GPI: variants seen among roughly 807,000 people sequenced by gnomAD.
GPI encodes the protein D-hexose-6-phosphate anomerase.
In GPI, 56 loss-of-function variants were observed where a neutral mutation model predicts 75.8. The observed-to-expected ratio is 0.74, with a 90% CI of 0.60 to 0.92. The LOEUF (loss-of-function observed/expected upper bound fraction) is 0.92, where lower values mean the gene tolerates loss of function less well. GPI is among the 40% of genes least tolerant of loss of function. The pLI is 0.00. For synonymous variants in GPI, 288 were observed against 285.4 expected (o/e 1.01, Z -0.09); for missense variants, 638 against 741.0 (o/e 0.86, Z 1.61).
chr19:34,367,585 C>G (rs2074386086), intron 3 of GPI, among the ~76,000 whole-genome samples: 2 of 152,202 alleles, frequency 1.3e-5, no homozygotes, highest in Admixed American at 1.3e-4. Context: ...TCCACCTTAG[C>G]AAGCCTCTCA....
At chr19:34,398,497 C>T (rs972469556) in intron 14 of GPI, 2 of 151,784 alleles carry the variant, frequency 1.3e-5, no homozygotes, top group African/African-American at 4.8e-5. Context: ...TTTTTCGAGA[C>T]ACCGTTTCAC....
intron 12 of GPI, among the ~76,000 whole-genome samples, chr19:34,394,456 G>A (rs2074915593): frequency 6.6e-6 from 1 of 151,900 alleles, no homozygotes; most frequent in South Asian, 2.1e-4. Flanking sequence ...GGGGAGGAAG[G>A]ATCTGGTACA....
In GPI at chr19:34,379,526, A is replaced by G. The variant is rs1344336631; in HGVS notation, c.714A>G (p.Ala238=). ...WFLQAAKDPS[A]VAKHFVALST... ...GGCTCTGTCTCTTGTAGCCTTCTGC[A>G]GTGGCGAAGCACTTTGTTGCCCTGT... The change falls in exon 8 of 18, where the codon GCA becomes GCG. Residue 238 remains alanine, a synonymous_variant. Transcript: ENST00000356487. 1 of 1,614,074 alleles carries G rather than the reference A, an allele frequency of 6.2e-7. No homozygotes were observed. Among genetic ancestry groups the G allele is most frequent in the South Asian group, 1.1e-5 (1 of 91,074 alleles).
chr19:34,387,689 C>A (rs2074758037), intron 9 of GPI, among the ~76,000 whole-genome samples: 1 of 152,138 alleles, frequency 6.6e-6, no homozygotes, highest in East Asian at 1.9e-4. Flanking sequence ...AGGCTCAGTG[C>A]TGGTATGTTG....
At position 34,402,022 on chromosome 19, in the gene GPI, G is replaced by C. The variant is rs1274105067; in HGVS notation, c.*1986G>C. 2.0e-5 allele frequency: 3 copies of C among 151,278 alleles called. 1 individual carries two copies. The highest frequency in any genetic ancestry group is 7.3e-5 in the African/African-American group (3 of 41,176). The allele number at this position is 151,278 out of a possible 1,614,324, so 9.4% of individuals were successfully genotyped here. ...GACGGGGTTTCACCGTGTTAGCCAG[G>C]ATGGTCTTGATCTCCTGACCTCATG... On this transcript the variant is annotated 3_prime_UTR_variant, in exon 18 of 18. Coordinates refer to ENST00000356487, the MANE Select transcript of GPI (RefSeq NM_000175.5).
chr19:34,372,777 G>A (rs2145341305), intron 4 of GPI, among the ~76,000 whole-genome samples: 1 of 152,050 alleles, frequency 6.6e-6, no homozygotes, highest in Non-Finnish European at 1.5e-5. Flanking sequence ...TCTCTTTTTT[G>A]TTTGTTTGTT....
At chr19:34,389,121 A>G (rs900117330) in intron 9 of GPI, among the ~76,000 whole-genome samples, 4 of 152,116 alleles carry the variant, frequency 2.6e-5, no homozygotes, top group African/African-American at 9.7e-5. Flanking sequence ...ATAGAACTGC[A>G]TCTGTTAGAT....
intron 4 of GPI, 156 bp downstream of exon 4, chr19:34,368,858 T>A: frequency 1.2e-6 from 1 of 809,696 alleles, no homozygotes; most frequent in Non-Finnish European, 2.1e-6. Context: ...TCGCTGACCC[T>A]GGAGTCTCTG....
chr19:34,364,851 T>C (rs1194497790), upstream of GPI: 3 of 837,720 alleles, frequency 3.6e-6, no homozygotes, highest in African/African-American at 5.2e-5. Flanking sequence ...GTTCGATCTA[T>C]AGAGTTTTGT....
intron 9 of GPI, among the ~76,000 whole-genome samples, chr19:34,382,978 G>A (rs951697892): frequency 6.6e-6 from 1 of 152,186 alleles, no homozygotes; most frequent in African/African-American, 2.4e-5. Context: ...AGCAGGCGAA[G>A]TTCCTGCAGG....
rs2074952318 is a variant in GPI, at chr19:34,396,790, G to A, written c.1269+133G>A. 9.3e-6 allele frequency: 7 copies of A among 751,422 alleles called. No individual in the cohort carries two copies. In the South Asian group the frequency reaches 1.0e-4, roughly 11 times the overall value. 46.5% of individuals were successfully genotyped at this position (751,422 alleles called of 1,614,324 possible). A position where few individuals can be genotyped will look rare whatever the true frequency, so the allele number is the denominator to read the frequency against. On this transcript the variant is annotated intron_variant, in intron 14 of 17. Coordinates refer to ENST00000356487, the MANE Select transcript of GPI (RefSeq NM_000175.5). ...CGTAACAAATGATAACAAACATGGA[G>A]GCTTAAAACAACACTCTTCTTTTGT... is the stretch of plus-strand genomic sequence containing the variant.
intron 8 of GPI, chr19:34,379,863 G>T: frequency 1.8e-6 from 1 of 551,562 alleles, no homozygotes; most frequent in Non-Finnish European, 3.3e-6. Flanking sequence ...AGGCCTTTGT[G>T]CCCAGCATCT....
At chr19:34,386,309 G>A (rs1049348307) in intron 9 of GPI, among the ~76,000 whole-genome samples, 1 of 151,954 alleles carries the variant, frequency 6.6e-6, no homozygotes, top group East Asian at 1.9e-4. Context: ...AGCCTTTCAC[G>A]TGTGGTCTGA....
intron 9 of GPI, among the ~76,000 whole-genome samples, chr19:34,388,676 A>G (rs564598715): frequency 4.8e-4 from 73 of 152,184 alleles, no homozygotes; most frequent in Non-Finnish European, 9.1e-4. Context: ...TCGGAGGCTC[A>G]GGTCAGACAC....
Position 34,397,155 on chromosome 19 carries a change from T to G in GPI, c.1269+498T>G, listed in dbSNP as rs531008461. Reference sequence around the variant, plus strand: ...CTCAAATATCCAGCAGGCCCTGATGTGTCTCTGCTTAGAGTCTTGCAGGCT... The same window carrying G: ...CTCAAATATCCAGCAGGCCCTGATGGGTCTCTGCTTAGAGTCTTGCAGGCT... On this transcript the variant is annotated intron_variant, in intron 14 of 17. Coordinates refer to ENST00000356487, the MANE Select transcript of GPI (RefSeq NM_000175.5). The G allele has an allele frequency of 1.3e-4, 28 of 211,102 alleles. 1 individual carries two copies. Among genetic ancestry groups the G allele is most frequent in the East Asian group, 9.0e-4 (8 of 8,854 alleles). The allele number at this position is 211,102 out of a possible 1,614,324, so 13.1% of individuals were successfully genotyped here.
At chr19:34,394,233 G>C (rs1005930324) in intron 12 of GPI, among the ~76,000 whole-genome samples, 167 bp downstream of exon 12, 2 of 152,152 alleles carry the variant, frequency 1.3e-5, no homozygotes, top group East Asian at 3.9e-4. Context: ...TGTAACTGAG[G>C]TTGGTTCCAT....
intron 4 of GPI, 74 bp downstream of exon 4, chr19:34,368,776 G>A (rs992441621): frequency 3.2e-6 from 5 of 1,555,006 alleles, no homozygotes; most frequent in Non-Finnish European, 3.5e-6. Context: ...GCCCTAAGGG[G>A]CAGCTCTTCC....
In GPI at chr19:34,368,678, G is replaced by A; in HGVS notation, c.378G>A (p.Leu126=). The A allele has an allele frequency of 6.2e-7, 1 of 1,614,206 alleles. No individual in the cohort carries two copies. The highest frequency in any genetic ancestry group is 1.6e-4 in the Middle Eastern group (1 of 6,062). ...TGATGCCAGAGGTCAACAAGGTTCTGGACAAGATGAAGTCTTTCTGCCAGG... is the reference window on the plus strand; with the variant it reads ...TGATGCCAGAGGTCAACAAGGTTCTAGACAAGATGAAGTCTTTCTGCCAGG... ...KDVMPEVNKV[L]DKMKSFCQRV... Residue 126 remains leucine, a synonymous_variant, in exon 4 of 18, where the codon CTG becomes CTA. Coordinates refer to ENST00000356487, the MANE Select transcript of GPI (RefSeq NM_000175.5).
Position 34,393,576 on chromosome 19 carries a change from C to A in GPI, c.866-152C>A, listed in dbSNP as rs2074898329. 1.7e-5 allele frequency: 13 copies of A among 773,806 alleles called. No homozygotes were observed. In the South Asian group the frequency reaches 1.9e-4, roughly 11 times the overall value. 47.9% of individuals were successfully genotyped at this position (773,806 alleles called of 1,614,324 possible). ...CAGATCCCTGCACTCAGGGCCACCT[C>A]TCACTGGAGGGGCTTTGTCTAGGTC... On this transcript the variant is annotated intron_variant, in intron 10 of 17. Coordinates refer to ENST00000356487, the MANE Select transcript of GPI (RefSeq NM_000175.5). The surrounding 1 kb of genome is among the most constrained non-coding windows in gnomAD (Gnocchi z 4.4).
Sources: allele counts gnomAD v4.1 joint callset (sites outside exome capture counted in the v4.1 genomes callset), GRCh38; gene constraint gnomAD v4.1.1; non-coding constraint Gnocchi (gnomAD v3.1); transcripts MANE v1.5; gene names NCBI Gene and HGNC (gene_info 2026-07-23, HGNC 2026-07-21).